The following MCU variants were observed in gnomAD, a reference collection of about 807,000 sequenced individuals.
MCU encodes calcium uniporter protein, mitochondrial.
In MCU, 12 loss-of-function variants were observed where a neutral mutation model predicts 45.2. The observed-to-expected ratio is 0.27, with a 90% confidence interval of 0.17 to 0.43. The LOEUF (loss-of-function observed/expected upper bound fraction) is 0.43. MCU is among the 20% of genes least tolerant of loss of function. The pLI is 1.00. For synonymous variants in MCU, 160 were observed against 165.1 expected (o/e 0.97, Z 0.24); for missense variants, 324 against 436.7 (o/e 0.74, Z 2.30).
At chr10:72,749,921 C>T (rs1843470148) in intron 1 of MCU, among the ~76,000 whole-genome samples, 2 of 151,834 alleles carry the variant, frequency 1.3e-5, no homozygotes, top group African/African-American at 4.8e-5. Flanking sequence ...CGTGTGCTAC[C>T]ATGTCCAGCT....
chr10:72,858,143 G>T (rs1257233168), intron 2 of MCU, among the ~76,000 whole-genome samples: 1 of 152,154 alleles, frequency 6.6e-6, no homozygotes, highest in Non-Finnish European at 1.5e-5. Context: ...TTGAGGAAGA[G>T]GCAAAAAGAA....
intron 6 of MCU, among the ~76,000 whole-genome samples, chr10:72,883,084 A>G (rs1268715439): frequency 1.3e-5 from 2 of 152,228 alleles, no homozygotes; most frequent in Non-Finnish European, 2.9e-5. Context: ...AAATGGATGA[A>G]CCTTGAAAAT....
intron 2 of MCU, among the ~76,000 whole-genome samples, chr10:72,845,476 T>C (rs548520946): frequency 1.3e-5 from 2 of 152,322 alleles, no homozygotes; most frequent in South Asian, 2.1e-4. Flanking sequence ...ATATGTGATG[T>C]TGGTCCCAAA....
chr10:72,704,140 G>T (rs1460356023), intron 1 of MCU, among the ~76,000 whole-genome samples: 1 of 152,154 alleles, frequency 6.6e-6, no homozygotes. Flanking sequence ...CAGTATGAAG[G>T]CCGGGTGGAA....
intron 2 of MCU, among the ~76,000 whole-genome samples, chr10:72,848,449 GTT>G (rs201563338): frequency 0.019 from 2,846 of 152,098 alleles, 98 homozygotes; most frequent in African/African-American, 0.065. Context: ...TGAACTCACC[GTT>G]TTTGGGAGTG....
chr10:72,839,963 C>CAAAAA (rs34053459), intron 2 of MCU, among the ~76,000 whole-genome samples: 5 of 76,288 alleles, frequency 6.6e-5, no homozygotes, highest in East Asian at 5.3e-4. Context: ...GACTCCGTCT[C>CAAAAA]AAAAAAAAAA....
intron 1 of MCU, among the ~76,000 whole-genome samples, chr10:72,702,697 G>T (rs535031637): frequency 6.6e-6 from 1 of 152,316 alleles, no homozygotes; most frequent in Admixed American, 6.5e-5. Flanking sequence ...AACATTTGGG[G>T]CCAGGTGCAG....
At chr10:72,882,470 A>ATG (rs1845718679) in intron 6 of MCU, among the ~76,000 whole-genome samples, 3 of 152,112 alleles carry the variant, frequency 2.0e-5, no homozygotes, top group Admixed American at 2.0e-4. Flanking sequence ...AAGAGAATGC[A>ATG]CCCCTGAGGT....
intron 1 of MCU, among the ~76,000 whole-genome samples, chr10:72,804,044 AT>A (rs1844385727): frequency 1.4e-5 from 1 of 73,918 alleles, no homozygotes; most frequent in African/African-American, 7.8e-5. Context: ...ATATATATAT[AT>A]ATATATATAT....
chr10:72,754,803 C>G (rs1843551011), intron 1 of MCU, among the ~76,000 whole-genome samples: 1 of 151,976 alleles, frequency 6.6e-6, no homozygotes, highest in Non-Finnish European at 1.5e-5. Flanking sequence ...GCACTCCAGC[C>G]TGGGCTTAGC....
chr10:72,869,318 C>T (rs1003353962), intron 5 of MCU, among the ~76,000 whole-genome samples: 1 of 152,252 alleles, frequency 6.6e-6, no homozygotes, highest in Non-Finnish European at 1.5e-5. Context: ...GGCGTGGTGG[C>T]TCACGCCTGT....
chr10:72,760,290 A>T (rs1052025438), intron 1 of MCU, among the ~76,000 whole-genome samples: 3 of 151,888 alleles, frequency 2.0e-5, no homozygotes, highest in Non-Finnish European at 4.4e-5. Flanking sequence ...GGCTCAAGCG[A>T]TCCTCCCATC....
At chr10:72,814,917 T>C (rs1844602331) in intron 1 of MCU, among the ~76,000 whole-genome samples, 1 of 152,106 alleles carries the variant, frequency 6.6e-6, no homozygotes, top group South Asian at 2.1e-4. Context: ...TGGGAAAATC[T>C]TAGGAAAGAA....
chr10:72,738,818 C>A (rs1388655243), intron 1 of MCU, among the ~76,000 whole-genome samples: 3 of 152,232 alleles, frequency 2.0e-5, no homozygotes, highest in Non-Finnish European at 1.5e-5. Flanking sequence ...TACAACGGAG[C>A]CTTTTGCTGT....
intron 4 of MCU, among the ~76,000 whole-genome samples, chr10:72,865,925 T>C (rs762096618): frequency 1.8e-4 from 27 of 151,886 alleles, no homozygotes; most frequent in East Asian, 5.8e-4. Flanking sequence ...TACAGGCGCC[T>C]GCCACCATGC....
At chr10:72,694,115 A>G (rs1366470023) in intron 1 of MCU, among the ~76,000 whole-genome samples, 1 of 152,220 alleles carries the variant, frequency 6.6e-6, no homozygotes, top group African/African-American at 2.4e-5. Context: ...ACGAAGTGTT[A>G]TTTCTAAAGG....
At chr10:72,765,379 G>T (rs912656132) in intron 1 of MCU, among the ~76,000 whole-genome samples, 1 of 152,000 alleles carries the variant, frequency 6.6e-6, no homozygotes. Context: ...TCTTCTTTAT[G>T]CTACCTCCTT....
At chr10:72,820,316 T>A (rs1482588958) in intron 1 of MCU, among the ~76,000 whole-genome samples, 6 of 152,206 alleles carry the variant, frequency 3.9e-5, no homozygotes, top group Non-Finnish European at 5.9e-5. Flanking sequence ...TCTCCTATTC[T>A]CATACTCATG....
chr10:72,865,918 A>G (rs1377445642), intron 4 of MCU, among the ~76,000 whole-genome samples: 1 of 151,788 alleles, frequency 6.6e-6, no homozygotes, highest in Non-Finnish European at 1.5e-5. Context: ...CTGGGACTAC[A>G]GGCGCCTGCC....
Sources: gnomAD v4.1 joint callset for allele counts (sites outside exome capture counted in the v4.1 genomes callset) on GRCh38, gnomAD v4.1.1 for gene constraint, MANE v1.5 for transcripts, NCBI Gene and HGNC (gene_info 2026-07-23, HGNC 2026-07-21) for gene names.